Variants in SSU72 observed in about 807,000 individuals in gnomAD.
The protein encoded by SSU72 is SSU72 homolog, RNA polymerase II CTD phosphatase.
A neutral mutation model predicts 22.7 loss-of-function variants in SSU72; 12 were observed. The ratio of observed to expected loss-of-function variants is 0.53; its 90% CI spans 0.34 to 0.86. The LOEUF (loss-of-function observed/expected upper bound fraction) is 0.86, where lower values mean the gene tolerates loss of function less well. Among genes scored for constraint, SSU72 ranks in the 40% least tolerant of loss-of-function variants. The pLI, the probability that SSU72 is intolerant of heterozygous loss-of-function variation, is 0.02. For missense variants in SSU72, 151 were observed against 249.8 expected, an observed-to-expected ratio of 0.60 and a Z score of 2.67; for synonymous variants, 116 against 98.3, an observed-to-expected ratio of 1.18 and a Z score of -1.06.
chr1:1,552,532 C>G (rs547495517), intron 2 of SSU72, among the ~76,000 whole-genome samples: 1 of 150,398 alleles, frequency 6.6e-6, no homozygotes, highest in Non-Finnish European at 1.5e-5. Flanking sequence ...CGATTCCTCC[C>G]GAGCCCCCAG....
intron 2 of SSU72, among the ~76,000 whole-genome samples, chr1:1,558,869 A>G (rs1642551361): frequency 6.6e-6 from 1 of 152,220 alleles, no homozygotes; most frequent in African/African-American, 2.4e-5. Context: ...CAGACTGGCC[A>G]TTCACTAACT....
At chr1:1,569,287 G>A (rs779680108) in intron 1 of SSU72, among the ~76,000 whole-genome samples, 2 of 152,164 alleles carry the variant, frequency 1.3e-5, no homozygotes, top group Non-Finnish European at 2.9e-5. Flanking sequence ...AGCACCAAGC[G>A]CAGGAGGCTC....
chr1:1,556,824 C>G (rs1050022741), intron 2 of SSU72, among the ~76,000 whole-genome samples: 1 of 152,192 alleles, frequency 6.6e-6, no homozygotes, highest in African/African-American at 2.4e-5. Context: ...TGGGCCCTGA[C>G]CCTGGGCTAC....
In SSU72 at chr1:1,543,965, C is replaced by T. The variant is rs759710747; in HGVS notation, c.387G>A (p.Glu129=). 10 of 1,613,678 alleles carry T rather than the reference C, an allele frequency of 6.2e-6. No individual in the cohort carries two copies. Among genetic ancestry groups the T allele is most frequent in the Admixed American group, 1.7e-5 (1 of 59,998 alleles). ...TGACCACGTGCACAGGCTGGCAGGTCTCCTGTTCTCTGGAATTCAGATCTG... is the reference window on the plus strand; with the variant it reads ...TGACCACGTGCACAGGCTGGCAGGTTTCCTGTTCTCTGGAATTCAGATCTG... ...VVEDLNSREQ[E]TCQPVHVVNV... is the part of the protein sequence containing the mutation. Residue 129 remains glutamate, a synonymous_variant, in exon 4 of 5, where the codon GAG becomes GAA. Transcript: ENST00000291386.
chr1:1,564,847 G>T lies in SSU72; in HGVS notation c.150C>A (p.Asp50Glu). 1.2e-6 allele frequency: 2 copies of T among 1,614,180 alleles called. No individual in the cohort carries two copies. Among genetic ancestry groups the T allele is most frequent in the Non-Finnish European group, 1.7e-6 (2 of 1,180,042 alleles). The change falls in exon 2 of 5, where the codon GAC (aspartate) becomes GAA (glutamate). Residue 50 changes from aspartate to glutamate, a missense_variant. Asp to Glu is a conservative substitution (Grantham distance 45, BLOSUM62 2). Transcript: ENST00000291386. ...THVKLPGPAPDKPNVYDFKTT... is the reference protein window; with the variant it reads ...THVKLPGPAPEKPNVYDFKTT... ...TTTTGAAATCATAAACATTGGGCTTGTCGGGAGCTGGTCCTGGAAGCTTCA... is the reference window on the plus strand; with the variant it reads ...TTTTGAAATCATAAACATTGGGCTTTTCGGGAGCTGGTCCTGGAAGCTTCA...
rs1035744628 is a variant in SSU72, at chr1:1,574,701, G to A, written c.-144C>T. The A allele has an allele frequency of 9.4e-6, 7 of 745,122 alleles. No individual in the cohort carries two copies. In the African/African-American group the frequency reaches 1.1e-4, roughly 12 times the overall value. The allele number at this position is 745,122 out of a possible 1,614,324, so 46.2% of individuals were successfully genotyped here. On this transcript the variant is annotated 5_prime_UTR_variant, in exon 1 of 5. Coordinates refer to ENST00000291386, the MANE Select transcript of SSU72 (RefSeq NM_014188.3). The stretch of plus-strand genomic sequence containing the variant: ...CGGCGGTGTAGCGTGCGGCGACTGC[G>A]CGGCGGCCTCCCCGCCCACCCTGGG...
Position 1,564,892 on chromosome 1 carries a change from G to A in SSU72, c.105C>T (p.Ser35=), listed in dbSNP as rs753976130. 11 of 1,609,232 alleles carry A rather than the reference G, an allele frequency of 6.8e-6. No individual in the cohort carries two copies. In the South Asian group the frequency reaches 1.2e-4, roughly 18 times the overall value. ...ILSKRGFSVR[S]FGTGTHVKLP... is the part of the protein sequence containing the mutation. ...GCTTCACGTGAGTCCCTGTTCCAAA[G>A]GATCGGACGCTGAATCCCCGTTTGC... Residue 35 remains serine (S), a synonymous_variant, in exon 2 of 5, where the codon TCC becomes TCT. Transcript: ENST00000291386.
chr1:1,574,406 A>T (rs1388484248), intron 1 of SSU72, 72 bp downstream of exon 1: 1 of 1,492,358 alleles, frequency 6.7e-7, no homozygotes, highest in Non-Finnish European at 9.1e-7. Flanking sequence ...GGCGCGGGCC[A>T]GGGGGAACCG....
At chr1:1,560,426 G>A (rs1269865946) in intron 2 of SSU72, among the ~76,000 whole-genome samples, 2 of 152,168 alleles carry the variant, frequency 1.3e-5, no homozygotes, top group Non-Finnish European at 2.9e-5. Flanking sequence ...CTGCAGGCGT[G>A]GCTCGTCTAA....
At chr1:1,562,225 A>T (rs944636516) in intron 2 of SSU72, 1 of 151,554 alleles carries the variant, frequency 6.6e-6, no homozygotes, top group African/African-American at 2.4e-5. Context: ...AGCTTACACC[A>T]ATCAAGGGAG....
Position 1,552,212 on chromosome 1 carries a change from C to A in SSU72, c.225-7210G>T, listed in dbSNP as rs572460896. On this transcript the variant is annotated intron_variant, in intron 2 of 4. Coordinates refer to ENST00000291386, the MANE Select transcript of SSU72 (RefSeq NM_014188.3). ...CTCTGCTTGCTCAACGGCACCTGCA[C>A]AGGGAGGTGAGGTCACTTCCAGAGG... 2.0e-5 allele frequency among the ~76,000 whole-genome samples: 3 copies of A among 152,286 alleles called. No homozygotes were observed. In the East Asian group the frequency reaches 5.8e-4, roughly 29 times the overall value.
chr1:1,561,421 T>C (rs1199389109), intron 2 of SSU72: 1 of 152,184 alleles, frequency 6.6e-6, no homozygotes, highest in Non-Finnish European at 1.5e-5. Flanking sequence ...GACCAAGTGC[T>C]GCGTCTTATC....
Position 1,574,552 on chromosome 1 carries a change from C to G in SSU72, c.6G>C (p.Pro2=). The change falls in exon 1 of 5, where the codon CCG becomes CCC. Residue 2 remains proline, a synonymous_variant. Transcript: ENST00000291386. ...CCACCGCCACCCGCAGCGGGGACGA[C>G]GGCATGGCGGCGGCCGCAAATCCCG... M[P]SSPLRVAVVC... The G allele has an allele frequency of 6.3e-7, 1 of 1,586,214 alleles. No individual in the cohort carries two copies. The highest frequency in any genetic ancestry group is 1.7e-4 in the Middle Eastern group (1 of 5,988).
chr1:1,544,769 G>C (rs1642371210), intron 3 of SSU72, 94 bp downstream of exon 3: 6 of 1,581,244 alleles, frequency 3.8e-6, no homozygotes, highest in Non-Finnish European at 5.2e-6. Flanking sequence ...CGCCACTCTA[G>C]ACGGGCTGTA....
intron 2 of SSU72, among the ~76,000 whole-genome samples, chr1:1,549,605 G>A (rs1006242034): frequency 6.6e-6 from 1 of 151,954 alleles, no homozygotes; most frequent in Non-Finnish European, 1.5e-5. Context: ...TTGGGAGGCC[G>A]AGGCGGATGG....
chr1:1,572,965 C>T (rs1464379404), intron 1 of SSU72, among the ~76,000 whole-genome samples: 1 of 150,280 alleles, frequency 6.7e-6, no homozygotes, highest in Non-Finnish European at 1.5e-5. Flanking sequence ...AGATCCAGCA[C>T]AATGTAATTC....
At position 1,542,219 on chromosome 1, in the gene SSU72, C is replaced by T. The variant is rs552671650; in HGVS notation, c.484-52G>A. On this transcript the variant is annotated intron_variant, in intron 4 of 4. Coordinates refer to ENST00000291386, the MANE Select transcript of SSU72 (RefSeq NM_014188.3). The surrounding 1 kb of genome is among the most constrained non-coding windows in gnomAD (Gnocchi z 4.4). ...CCTTGCCCACTCCTGCCTGTCTGCT[C>T]CCCCTAACACCTGGATCGCCAGGGA... 1.7e-3 allele frequency: 2,595 copies of T among 1,512,516 alleles called. 6 individuals carry two copies. Among genetic ancestry groups the T allele is most frequent in the Non-Finnish European group, 2.1e-3 (2,297 of 1,111,862 alleles). 93.7% of individuals were successfully genotyped at this position (1,512,516 alleles called of 1,614,324 possible).
intron 1 of SSU72, among the ~76,000 whole-genome samples, chr1:1,569,194 A>C (rs984758272): frequency 2.0e-5 from 3 of 152,140 alleles, no homozygotes; most frequent in Non-Finnish European, 4.4e-5. Context: ...ATAAAAGAAA[A>C]AAACAAAAAA....
intron 2 of SSU72, chr1:1,562,111 T>C (rs1164286406): frequency 2.6e-5 from 4 of 152,212 alleles, no homozygotes; most frequent in African/African-American, 9.7e-5. Context: ...ACCAAGTCCT[T>C]CCGGATGAGA....
Sources: gnomAD v4.1 joint callset for allele counts (sites outside exome capture counted in the v4.1 genomes callset) on GRCh38, gnomAD v4.1.1 for gene constraint, Gnocchi (gnomAD v3.1) non-coding constraint, MANE v1.5 for transcripts, NCBI Gene and HGNC (gene_info 2026-07-23, HGNC 2026-07-21) for gene names.